Variants in GPM6A observed in about 807,000 individuals in gnomAD.
GPM6A encodes the protein glycoprotein M6A.
A neutral mutation model predicts 32.1 loss-of-function variants in GPM6A; 7 were observed. That is an observed-to-expected ratio of 0.22 (90% CI 0.12 to 0.41). GPM6A has a LOEUF of 0.41. Among genes scored for constraint, GPM6A ranks in the 10% least tolerant of loss-of-function variants. GPM6A has a pLI of 1.00. For synonymous variants in GPM6A, 130 were observed against 123.4 expected, an observed-to-expected ratio of 1.05 and a Z score of -0.35; for missense variants, 235 against 347.2, an observed-to-expected ratio of 0.68 and a Z score of 2.57.
intron 4 of GPM6A, among the ~76,000 whole-genome samples, chr4:175,650,207 T>C (rs756477181): frequency 2.0e-4 from 31 of 152,278 alleles, no homozygotes; most frequent in South Asian, 4.1e-4. Flanking sequence ...TGTGAGATTT[T>C]TGCCCTAAAT....
intron 1 of GPM6A, among the ~76,000 whole-genome samples, chr4:175,832,134 G>GTTT (rs1735636232): frequency 6.6e-6 from 1 of 151,270 alleles, no homozygotes; most frequent in Admixed American, 6.6e-5. Context: ...CTGGCTCTTT[G>GTTT]GTTCTTAAAA....
chr4:175,717,127 C>T (rs576752325), intron 1 of GPM6A, among the ~76,000 whole-genome samples: 39 of 151,844 alleles, frequency 2.6e-4, no homozygotes, highest in African/African-American at 1.4e-4. Flanking sequence ...TTTCCCACTG[C>T]GGCCCACTTG....
rs193173690 is a variant in GPM6A, at chr4:175,768,581, G to A, written c.37+43610C>T. On this transcript the variant is annotated intron_variant, in intron 1 of 6. Coordinates refer to ENST00000393658, the MANE Select transcript of GPM6A (RefSeq NM_201591.3). ...CTCAAGCAAGATGAGGAGAAATAGT[G>A]AAGGTTAAGTTAAAAAAAGGAAAAA... Among the ~76,000 whole-genome samples, 3 of 151,592 alleles carry A rather than the reference G, an allele frequency of 2.0e-5. No homozygotes were observed. In the East Asian group the frequency reaches 5.8e-4, roughly 29 times the overall value.
In GPM6A at chr4:175,927,529, C is replaced by A. The variant is rs1233385118; in HGVS notation, c.-23+74780G>T. Among the ~76,000 whole-genome samples, 6 of 152,330 alleles carry A rather than the reference C, an allele frequency of 3.9e-5. 1 individual carries two copies. In the South Asian group the frequency reaches 8.3e-4, roughly 21 times the overall value. On this transcript the variant is annotated intron_variant, in intron 1 of 7. Coordinates refer to the GPM6A transcript ENST00000280187. ...CAACACATATCCTCATGCTTTATCC[C>A]AAACTGTACTGGATGCCTTGTTCAT...
At chr4:175,768,303 G>A (rs943672977) in intron 1 of GPM6A, among the ~76,000 whole-genome samples, 9 of 152,090 alleles carry the variant, frequency 5.9e-5, no homozygotes, top group Non-Finnish European at 7.4e-5. Context: ...AAGAGAGTGC[G>A]AAGCATTCTA....
Position 175,799,671 on chromosome 4 carries a change from C to CTTTT in GPM6A, c.37+12516_37+12519dup, listed in dbSNP as rs374571140. 1.4e-3 allele frequency among the ~76,000 whole-genome samples: 169 copies of CTTTT among 122,088 alleles called. 15 individuals carry two copies. In the East Asian group the frequency reaches 0.022, roughly 16 times the overall value. 80.1% of individuals were successfully genotyped at this position (122,088 alleles called of 152,430 possible). ...TCACCCTAAAAGTAGCAAGTGTTTT[C>CTTTT]TTTTTTTTTTTTTTGAGACGGAGTC... On this transcript the variant is annotated intron_variant, in intron 1 of 6. Transcript: ENST00000393658.
At chr4:175,674,924 A>G (rs973943938) in intron 2 of GPM6A, among the ~76,000 whole-genome samples, 1 of 152,016 alleles carries the variant, frequency 6.6e-6, no homozygotes, top group African/African-American at 2.4e-5. Flanking sequence ...AAAAAACACC[A>G]TGTGGCTAAA....
chr4:175,953,717 T>C (rs1037262116), intron 1 of GPM6A, among the ~76,000 whole-genome samples: 3 of 151,970 alleles, frequency 2.0e-5, no homozygotes, highest in African/African-American at 7.3e-5. Flanking sequence ...CTGACCAACA[T>C]GGAGAAACCC....
chr4:175,932,369 C>T (rs552220783), intron 1 of GPM6A, among the ~76,000 whole-genome samples: 17 of 152,186 alleles, frequency 1.1e-4, no homozygotes, highest in Non-Finnish European at 1.3e-4. Flanking sequence ...CATTTCTTCC[C>T]TCCAGACGAT....
chr4:175,781,569 A>G (rs900963515), intron 1 of GPM6A, among the ~76,000 whole-genome samples: 2 of 152,104 alleles, frequency 1.3e-5, no homozygotes, highest in South Asian at 4.1e-4. Flanking sequence ...CCTTCTAACT[A>G]TGGGCATTCA....
intron 1 of GPM6A, among the ~76,000 whole-genome samples, chr4:175,964,408 G>A (rs1003266728): frequency 5.9e-5 from 9 of 152,158 alleles, no homozygotes; most frequent in African/African-American, 2.2e-4. Context: ...GTTCGCAGGG[G>A]CTATCATAAC....
intron 3 of GPM6A, among the ~76,000 whole-genome samples, chr4:175,662,518 TGAACCTGGGAGGCGG>T (rs1240011723): frequency 1.3e-5 from 2 of 152,046 alleles, no homozygotes; most frequent in Non-Finnish European, 2.9e-5. Context: ...GAGAATCACT[TGAACCTGGGAGGCGG>T]AGATTGCAGT....
Position 175,683,551 on chromosome 4 carries a change from A to G in GPM6A, c.231-9715T>C, listed in dbSNP as rs187747461. Among the ~76,000 whole-genome samples the G allele has an allele frequency of 1.6e-4, 25 of 152,212 alleles. No homozygotes were observed. In the East Asian group the frequency reaches 4.7e-3, roughly 28 times the overall value. ...CCCTGCTTAAATCTCATGTTGAATT[A>G]TAATCCCCAATAATGAAGGTAGGGC... On this transcript the variant is annotated intron_variant, in intron 2 of 6. Coordinates refer to ENST00000393658, the MANE Select transcript of GPM6A (RefSeq NM_201591.3).
intron 1 of GPM6A, among the ~76,000 whole-genome samples, chr4:175,782,046 T>G (rs764339078): frequency 4.6e-5 from 7 of 151,998 alleles, no homozygotes; most frequent in Non-Finnish European, 8.8e-5. Flanking sequence ...ATAATAATGG[T>G]GTCTATCTCA....
intron 1 of GPM6A, among the ~76,000 whole-genome samples, chr4:175,897,195 T>C (rs1294939500): frequency 6.6e-6 from 1 of 152,072 alleles, no homozygotes; most frequent in Admixed American, 6.6e-5. Flanking sequence ...GAGGAGGTGA[T>C]GCTTGTGGTG....
chr4:175,932,954 T>C (rs989316689), intron 1 of GPM6A, among the ~76,000 whole-genome samples: 4 of 152,092 alleles, frequency 2.6e-5, no homozygotes, highest in Admixed American at 6.6e-5. Flanking sequence ...GGAGGACTTA[T>C]GCTATCAATT....
chr4:175,943,192 T>C (rs1366329210), intron 1 of GPM6A, among the ~76,000 whole-genome samples: 2 of 152,184 alleles, frequency 1.3e-5, no homozygotes, highest in Non-Finnish European at 2.9e-5. Context: ...TGTCTGTCAT[T>C]GGTGTATATG....
intron 1 of GPM6A, among the ~76,000 whole-genome samples, chr4:175,802,282 T>C (rs912424988): frequency 6.6e-6 from 1 of 152,098 alleles, no homozygotes; most frequent in Non-Finnish European, 1.5e-5. Context: ...AATAATGGTA[T>C]CACAAGTTCA....
rs139633473 is a variant in GPM6A, at chr4:175,823,132, A to G, written c.-22-10883T>C. 2.6e-3 allele frequency among the ~76,000 whole-genome samples: 392 copies of G among 152,298 alleles called. 4 individuals are homozygous for G. Among genetic ancestry groups the G allele is most frequent in the African/African-American group, 8.6e-3 (359 of 41,562 alleles). ...TTTCAAAGGTTAAGCAACTTTCTCA[A>G]GGCTACGCAGCTGGTGAATGAGGAA... On this transcript the variant is annotated intron_variant, in intron 1 of 7. Coordinates refer to the GPM6A transcript ENST00000280187.
Sources: gnomAD v4.1 joint callset for allele counts (sites outside exome capture counted in the v4.1 genomes callset) on GRCh38, gnomAD v4.1.1 for gene constraint, MANE v1.5 for transcripts, NCBI Gene and HGNC (gene_info 2026-07-23, HGNC 2026-07-21) for gene names.